RAB30: variants seen among roughly 807,000 people sequenced by gnomAD.
The protein encoded by RAB30 is RAB30, member RAS oncogene family.
Under a neutral mutation model 25.1 loss-of-function variants are expected in RAB30, and 9 were observed. The observed-to-expected ratio is 0.36, with a 90% confidence interval of 0.22 to 0.63. RAB30 has a LOEUF of 0.63. Among genes scored for constraint, RAB30 ranks in the 20% least tolerant of loss-of-function variants. The probability of loss-of-function intolerance (pLI) is 0.69; values close to 1 mark genes in which losing one functional copy is unlikely to be tolerated. For missense variants in RAB30, 140 were observed against 243.5 expected (o/e 0.58, Z 2.83); for synonymous variants, 77 against 86.4 (o/e 0.89, Z 0.60).
At chr11:82,999,218 T>A (rs904250121) in intron 1 of RAB30, among the ~76,000 whole-genome samples, 3 of 152,240 alleles carry the variant, frequency 2.0e-5, no homozygotes, top group Non-Finnish European at 4.4e-5. Context: ...ACTAACACAT[T>A]ATCTGTTTTA....
Position 82,981,818 on chromosome 11 carries a change from A to G in RAB30, c.*347T>C. On this transcript the variant is annotated 3_prime_UTR_variant, in exon 5 of 5. Coordinates refer to ENST00000527633, the MANE Select transcript of RAB30 (RefSeq NM_001286060.2). Reference sequence around the variant, plus strand: ...GAAGAGTTCCCACATGCACCCACTGATGTGCAGGAGGGATCCCTACAGTAC... The same window carrying G: ...GAAGAGTTCCCACATGCACCCACTGGTGTGCAGGAGGGATCCCTACAGTAC... 4.6e-6 allele frequency: 1 copy of G among 215,940 alleles called. No individual in the cohort carries two copies. The allele number at this position is 215,940 out of a possible 1,614,324, so 13.4% of individuals were successfully genotyped here.
At chr11:83,038,526 AG>A (rs1226907208) in intron 1 of RAB30, among the ~76,000 whole-genome samples, 2 of 152,184 alleles carry the variant, frequency 1.3e-5, no homozygotes, top group African/African-American at 4.8e-5. Flanking sequence ...CATTCTATTA[AG>A]AAAAATAATG....
At chr11:83,006,375 C>T (rs1857185435) in intron 1 of RAB30, among the ~76,000 whole-genome samples, 1 of 152,216 alleles carries the variant, frequency 6.6e-6, no homozygotes. Flanking sequence ...GACCACCACA[C>T]AGCCTGCTAT....
intron 1 of RAB30, among the ~76,000 whole-genome samples, chr11:83,021,817 T>C (rs1025277663): frequency 1.3e-5 from 2 of 152,254 alleles, no homozygotes; most frequent in Admixed American, 1.3e-4. Flanking sequence ...TTAAATGAGA[T>C]ATTTTTGTAA....
intron 2 of RAB30, among the ~76,000 whole-genome samples, chr11:82,996,464 T>C (rs971913065): frequency 2.6e-5 from 4 of 152,182 alleles, no homozygotes; most frequent in African/African-American, 9.7e-5. Flanking sequence ...GCTGAACAAG[T>C]ACTTTATGAA....
chr11:83,060,208 TAA>T (rs35107777), intron 1 of RAB30: 5 of 137,160 alleles, frequency 3.6e-5, no homozygotes, highest in South Asian at 2.3e-4. Context: ...CTCTGTCTCA[TAA>T]AAAAAAAAAG....
At chr11:83,017,184 C>G (rs1386669665) in intron 1 of RAB30, among the ~76,000 whole-genome samples, 1 of 151,948 alleles carries the variant, frequency 6.6e-6, no homozygotes, top group Non-Finnish European at 1.5e-5. Context: ...ACAAAAAATA[C>G]AAAAATTAGC....
intron 1 of RAB30, among the ~76,000 whole-genome samples, chr11:83,039,661 T>A (rs1276822298): frequency 6.6e-6 from 1 of 151,886 alleles, no homozygotes; most frequent in African/African-American, 2.4e-5. Context: ...CCTGGGGAAG[T>A]CAAAATTCTT....
chr11:83,009,955 T>C (rs1019001104), intron 1 of RAB30, among the ~76,000 whole-genome samples: 1 of 152,190 alleles, frequency 6.6e-6, no homozygotes, highest in Non-Finnish European at 1.5e-5. Context: ...TCTGTAGAGA[T>C]GTGGTCTCAC....
At chr11:83,023,002 TACAC>T (rs1857617662) in intron 1 of RAB30, among the ~76,000 whole-genome samples, 1 of 152,002 alleles carries the variant, frequency 6.6e-6, no homozygotes, top group Non-Finnish European at 1.5e-5. Context: ...TATATACACA[TACAC>T]ACAAACATGA....
Position 83,069,525 on chromosome 11 carries a change from A to C in RAB30, c.-9+2166T>G, listed in dbSNP as rs147226999. On this transcript the variant is annotated intron_variant, in intron 1 of 4. Transcript: ENST00000527633. ...TCCTCCAAGTATCTTCAAAAAACCA[A>C]ATGGGCAGTTTGGCCACCTGGATTG... 3.9e-3 allele frequency among the ~76,000 whole-genome samples: 599 copies of C among 152,264 alleles called. 4 individuals carry two copies. The highest frequency in any genetic ancestry group is 0.014 in the African/African-American group (573 of 41,534).
chr11:83,042,907 C>T (rs1858158719), intron 1 of RAB30, among the ~76,000 whole-genome samples: 1 of 152,188 alleles, frequency 6.6e-6, no homozygotes, highest in South Asian at 2.1e-4. Context: ...AAAACAACTA[C>T]ATTTAATGTG....
At chr11:83,022,421 AGTGTT>A (rs949748785) in intron 1 of RAB30, among the ~76,000 whole-genome samples, 55 of 152,252 alleles carry the variant, frequency 3.6e-4, no homozygotes, top group African/African-American at 1.3e-3. Context: ...AGCTTCCCAA[AGTGTT>A]GGTATTACAG....
chr11:83,012,794 G>A (rs1857332298), intron 1 of RAB30, among the ~76,000 whole-genome samples: 1 of 152,162 alleles, frequency 6.6e-6, no homozygotes, highest in Non-Finnish European at 1.5e-5. Context: ...GCCCTCCACA[G>A]CCCAGCACCT....
chr11:82,991,871 T>C (rs1364535947), intron 3 of RAB30, among the ~76,000 whole-genome samples: 1 of 152,192 alleles, frequency 6.6e-6, no homozygotes, highest in African/African-American at 2.4e-5. Flanking sequence ...GTTATAAAAA[T>C]ATCAATTTTT....
In RAB30 at chr11:82,994,075, C is replaced by T; in HGVS notation, c.141G>A (p.Met47Ile). The T allele has an allele frequency of 6.2e-7, 1 of 1,611,926 alleles. No homozygotes were observed. Residue 47 changes from methionine (M) to isoleucine (I), a missense_variant, in exon 3 of 5, where the codon ATG becomes ATA. Met to Ile is a conservative substitution (Grantham distance 10). Transcript: ENST00000527633. Reference sequence around the variant, plus strand: ...CACCATTAATCTCCACTGTCTTAATCATAAAATCAACTCCAATTGTGGCTC... The same window carrying T: ...CACCATTAATCTCCACTGTCTTAATTATAAAATCAACTCCAATTGTGGCTC... ...GQGATIGVDFMIKTVEINGEK... is the reference protein window; with the variant it reads ...GQGATIGVDFIIKTVEINGEK...
At chr11:82,999,729 C>T (rs959802807) in intron 1 of RAB30, among the ~76,000 whole-genome samples, 2 of 152,060 alleles carry the variant, frequency 1.3e-5, no homozygotes, top group African/African-American at 4.8e-5. Flanking sequence ...AACTGAACCT[C>T]GCACCCTCCC....
At chr11:83,010,222 G>A (rs915529520) in intron 1 of RAB30, among the ~76,000 whole-genome samples, 41 of 152,344 alleles carry the variant, frequency 2.7e-4, no homozygotes, top group African/African-American at 9.4e-4. Flanking sequence ...AGGGCAAGAA[G>A]GAAGGATCGC....
chr11:83,051,090 A>C (rs1372143255), intron 1 of RAB30, among the ~76,000 whole-genome samples: 3 of 152,202 alleles, frequency 2.0e-5, no homozygotes, highest in Non-Finnish European at 4.4e-5. Flanking sequence ...CAATAGATTG[A>C]GGACAGAAGT....
Sources: allele counts gnomAD v4.1 joint callset (sites outside exome capture counted in the v4.1 genomes callset), GRCh38; gene constraint gnomAD v4.1.1; transcripts MANE v1.5; gene names NCBI Gene and HGNC (gene_info 2026-07-23, HGNC 2026-07-21).